PALMD: variants seen among roughly 807,000 people sequenced by gnomAD.
PALMD encodes paralemmin-like protein.
In PALMD, 42 loss-of-function variants were observed where a neutral mutation model predicts 56.2. That is an observed-to-expected ratio of 0.75 (90% CI 0.58 to 0.97). PALMD has a LOEUF of 0.97. Among genes scored for constraint, PALMD ranks in the 50% least tolerant of loss-of-function variants. The probability of loss-of-function intolerance (pLI) is 0.00; values close to 1 mark genes in which losing one functional copy is unlikely to be tolerated. For missense variants in PALMD, 660 were observed against 643.8 expected, an observed-to-expected ratio of 1.03 and a Z score of -0.27; for synonymous variants, 242 against 222.9, an observed-to-expected ratio of 1.09 and a Z score of -0.76.
At chr1:99,661,055 C>T (rs1652837254) in intron 1 of PALMD, among the ~76,000 whole-genome samples, 1 of 152,166 alleles carries the variant, frequency 6.6e-6, no homozygotes, top group Non-Finnish European at 1.5e-5. Flanking sequence ...CATCAGGGAA[C>T]CCATGCACTT....
At position 99,694,357 on chromosome 1, in the gene PALMD, A is replaced by G. The variant is rs963166428; in HGVS notation, c.*295A>G. 7 of 242,824 alleles carry G rather than the reference A, an allele frequency of 2.9e-5. No individual in the cohort carries two copies. Among genetic ancestry groups the G allele is most frequent in the Non-Finnish European group, 5.6e-5 (7 of 125,766 alleles). 15.0% of individuals were successfully genotyped at this position (242,824 alleles called of 1,614,324 possible). A position where few individuals can be genotyped will look rare whatever the true frequency, so the allele number is the denominator to read the frequency against. ...TAATAAGAGCTTGTTAAATTTAAGAATAAAGTTATTTAAAATATTCTGAGT... is the reference window on the plus strand; with the variant it reads ...TAATAAGAGCTTGTTAAATTTAAGAGTAAAGTTATTTAAAATATTCTGAGT... On this transcript the variant is annotated 3_prime_UTR_variant, in exon 8 of 8. Transcript: ENST00000263174.
At chr1:99,680,198 C>T (rs956865408) in intron 3 of PALMD, among the ~76,000 whole-genome samples, 1 of 152,076 alleles carries the variant, frequency 6.6e-6, no homozygotes, top group African/African-American at 2.4e-5. Flanking sequence ...CATTTATGTG[C>T]TGTCCTTTTT....
intron 1 of PALMD, among the ~76,000 whole-genome samples, chr1:99,655,027 A>C (rs1260933475): frequency 6.6e-6 from 1 of 152,208 alleles, no homozygotes; most frequent in African/African-American, 2.4e-5. Flanking sequence ...TAAACTATGC[A>C]GTATTGGTAC....
chr1:99,670,879 A>G (rs1192900724), intron 3 of PALMD, among the ~76,000 whole-genome samples: 3 of 152,126 alleles, frequency 2.0e-5, no homozygotes, highest in East Asian at 3.8e-4. Flanking sequence ...AGATGTTTGT[A>G]AAGCTGCTAA....
At position 99,667,637 on chromosome 1, in the gene PALMD, A is replaced by T. The variant is rs200354958; in HGVS notation, c.127-5A>T. The T allele has an allele frequency of 6.2e-6, 10 of 1,611,604 alleles. No homozygotes were observed. The highest frequency in any genetic ancestry group is 1.7e-4 in the Middle Eastern group (1 of 6,050). On this transcript the variant is annotated splice_polypyrimidine_tract_variant and splice_region_variant and intron_variant, in intron 2 of 7. Coordinates refer to ENST00000263174, the MANE Select transcript of PALMD (RefSeq NM_017734.5). ...AGAACATATCTTTATGTTTCCTGAC[A>T]TCAGAAAAAGGCCTTGAGGGAGAAA... is the stretch of plus-strand genomic sequence containing the variant.
At chr1:99,659,069 T>TCAAA (rs1222737709) in intron 1 of PALMD, among the ~76,000 whole-genome samples, 2 of 152,182 alleles carry the variant, frequency 1.3e-5, no homozygotes, top group African/African-American at 4.8e-5. Context: ...AAATCAATAA[T>TCAAA]CAAACAACTC....
At chr1:99,692,510 C>T (rs1274984210) in intron 7 of PALMD, among the ~76,000 whole-genome samples, 1 of 152,052 alleles carries the variant, frequency 6.6e-6, no homozygotes, top group Non-Finnish European at 1.5e-5. Context: ...ATGCTCTGGC[C>T]CCATGCATTT....
At chr1:99,684,098 G>A (rs1455335030) in intron 3 of PALMD, 3 of 152,090 alleles carry the variant, frequency 2.0e-5, no homozygotes, top group African/African-American at 7.2e-5. Context: ...ATGTGTTTAT[G>A]TGTATATATA....
In PALMD at chr1:99,689,825, T is replaced by C. The variant is rs750202258; in HGVS notation, c.1565T>C (p.Phe522Ser). ...SLGSPVHHSPFDAQTTGDGTE... is the reference protein window; with the variant it reads ...SLGSPVHHSPSDAQTTGDGTE... ...GGCAGCCCTGTCCACCATTCCCCAT[T>C]TGATGCTCAGACAACTGGAGATGGG... Residue 522 changes from phenylalanine (F) to serine (S), a missense_variant, in exon 7 of 8, where the codon TTT becomes TCT. Physicochemically the swap from Phe to Ser is radical, Grantham distance 155 (BLOSUM62 -2). Coordinates refer to ENST00000263174, the MANE Select transcript of PALMD (RefSeq NM_017734.5). 14 of 1,612,608 alleles carry C rather than the reference T, an allele frequency of 8.7e-6. No homozygotes were observed. The South Asian group carries it at 1.2e-4, about 14-fold the overall frequency.
chr1:99,667,740 C>T lies in PALMD; in HGVS notation c.225C>T (p.Ile75=). Residue 75 remains isoleucine (I), a synonymous_variant, in exon 3 of 8, where the codon ATC becomes ATT. Transcript: ENST00000263174. ...AAAATCAACAAGACCAGCACCAGATCCAGGTTCTAGAACAAAGTATCCTCA... is the reference window on the plus strand; with the variant it reads ...AAAATCAACAAGACCAGCACCAGATTCAGGTTCTAGAACAAAGTATCCTCA... ...KKQNQQDQHQ[I]QVLEQSILRL... 6.2e-7 allele frequency: 1 copy of T among 1,613,556 alleles called. No homozygotes were observed. Among genetic ancestry groups the T allele is most frequent in the South Asian group, 1.1e-5 (1 of 91,040 alleles).
intron 3 of PALMD, chr1:99,683,123 A>G (rs1450083972): frequency 1.6e-5 from 2 of 124,064 alleles, no homozygotes; most frequent in Non-Finnish European, 3.2e-5. Context: ...AGAAAGAAAG[A>G]AAGAAAGAAA....
intron 3 of PALMD, among the ~76,000 whole-genome samples, chr1:99,679,208 G>A (rs1487889587): frequency 1.3e-5 from 2 of 152,104 alleles, no homozygotes; most frequent in Admixed American, 1.3e-4. Context: ...GTATAGATAA[G>A]AGCCAGTCAT....
At chr1:99,672,833 A>T (rs1457242800) in intron 3 of PALMD, among the ~76,000 whole-genome samples, 1 of 152,216 alleles carries the variant, frequency 6.6e-6, no homozygotes, top group East Asian at 1.9e-4. Context: ...TAAGCTACTT[A>T]TGATTAAATG....
intron 1 of PALMD, among the ~76,000 whole-genome samples, chr1:99,655,991 T>A (rs2100855556): frequency 6.6e-6 from 1 of 152,128 alleles, no homozygotes; most frequent in African/African-American, 2.4e-5. Context: ...GTGCCCTCAG[T>A]GTTTTCATGT....
In PALMD at chr1:99,681,295, A is replaced by T. The variant is rs372242271; in HGVS notation, c.252-5381A>T. Reference sequence around the variant, plus strand: ...AGAGGAGTAAGAGTTCAGACTCTGTAAGTAAATATCTGATTTCAAATTCCA... The same window carrying T: ...AGAGGAGTAAGAGTTCAGACTCTGTTAGTAAATATCTGATTTCAAATTCCA... On this transcript the variant is annotated intron_variant, in intron 3 of 7. Transcript: ENST00000263174. Among the ~76,000 whole-genome samples, 98 of 152,214 alleles carry T rather than the reference A, an allele frequency of 6.4e-4. 1 individual carries two copies. In the South Asian group the frequency reaches 0.019, roughly 30 times the overall value.
rs200354958 is a variant in PALMD at position 99,667,637 on chromosome 1, A to G, written c.127-5A>G. ...AGAACATATCTTTATGTTTCCTGAC[A>G]TCAGAAAAAGGCCTTGAGGGAGAAA... On this transcript the variant is annotated splice_polypyrimidine_tract_variant and splice_region_variant and intron_variant, in intron 2 of 7. Coordinates refer to ENST00000263174, the MANE Select transcript of PALMD (RefSeq NM_017734.5). 6.2e-7 allele frequency: 1 copy of G among 1,611,486 alleles called. No homozygotes were observed. Among genetic ancestry groups the G allele is most frequent in the African/African-American group, 1.3e-5 (1 of 74,850 alleles).
At position 99,646,152 on chromosome 1, in the gene PALMD, G is replaced by T; in HGVS notation, c.-166G>T. The T allele has an allele frequency of 1.6e-6, 1 of 629,972 alleles. No individual in the cohort carries two copies. The highest frequency in any genetic ancestry group is 2.8e-6 in the Non-Finnish European group (1 of 351,906). The allele number at this position is 629,972 out of a possible 1,614,324, so 39.0% of individuals were successfully genotyped here. ...TCTGGCCTGATCTGTGCATCTGCTCGGAGACGCTCCTGACAAGTCGGGAAT... is the reference window on the plus strand; with the variant it reads ...TCTGGCCTGATCTGTGCATCTGCTCTGAGACGCTCCTGACAAGTCGGGAAT... On this transcript the variant is annotated 5_prime_UTR_variant, in exon 1 of 8. Transcript: ENST00000263174.
intron 2 of PALMD, 135 bp downstream of exon 2, chr1:99,662,534 G>C (rs1571063290): frequency 1.5e-6 from 1 of 648,574 alleles, no homozygotes; most frequent in Non-Finnish European, 2.8e-6. Context: ...AATAACCATA[G>C]GGGAGGCCAA....
chr1:99,653,746 A>G (rs927808505), intron 1 of PALMD, among the ~76,000 whole-genome samples: 1 of 151,852 alleles, frequency 6.6e-6, no homozygotes, highest in Non-Finnish European at 1.5e-5. Context: ...CCCCCAAAAA[A>G]CCCTTTTCCA....
Sources: allele counts gnomAD v4.1 joint callset (sites outside exome capture counted in the v4.1 genomes callset), GRCh38; gene constraint gnomAD v4.1.1; transcripts MANE v1.5; gene names NCBI Gene and HGNC (gene_info 2026-07-23, HGNC 2026-07-21).